The following GRM7 variants were observed in gnomAD, a reference collection of about 807,000 sequenced individuals.
The protein encoded by GRM7 is glutamate metabotropic receptor 7.
Under a neutral mutation model 84.5 loss-of-function variants are expected in GRM7, and 35 were observed. The ratio of observed to expected loss-of-function variants is 0.41; its 90% CI spans 0.32 to 0.55. GRM7 has a LOEUF of 0.55. GRM7 is among the 20% of genes least tolerant of loss of function. The pLI, the probability that GRM7 is intolerant of heterozygous loss-of-function variation, is 0.19. For synonymous variants in GRM7, 487 were observed against 455.1 expected, an observed-to-expected ratio of 1.07 and a Z score of -0.89; for missense variants, 1,003 against 1,194.6, an observed-to-expected ratio of 0.84 and a Z score of 2.36.
At chr3:6,898,358 G>A (rs1000255532) in intron 1 of GRM7, among the ~76,000 whole-genome samples, 10 of 137,258 alleles carry the variant, frequency 7.3e-5, no homozygotes, top group Non-Finnish European at 1.4e-4. Context: ...GACCAAGGAC[G>A]AAAGAGTGTC....
rs73012160 is a variant in GRM7, at chr3:7,116,034, G to C, written c.520-30418G>C. Among the ~76,000 whole-genome samples the C allele has an allele frequency of 2.7e-3, 411 of 152,196 alleles. 3 individuals are homozygous for C. Among genetic ancestry groups the C allele is most frequent in the Non-Finnish European group, 4.9e-3 (330 of 68,008 alleles). The stretch of plus-strand genomic sequence containing the variant: ...ATGCAAAGACCCTGGCAATAAAACT[G>C]CAAACTTTACAGGGAAGATGCTCTA... On this transcript the variant is annotated intron_variant, in intron 1 of 9. Coordinates refer to ENST00000357716, the MANE Select transcript of GRM7 (RefSeq NM_000844.4).
intron 1 of GRM7, among the ~76,000 whole-genome samples, chr3:6,991,049 A>G (rs1261066594): frequency 6.6e-6 from 1 of 152,094 alleles, no homozygotes; most frequent in Non-Finnish European, 1.5e-5. Context: ...AGCCTGGGTG[A>G]CAGAGCCAGA....
intron 1 of GRM7, among the ~76,000 whole-genome samples, chr3:7,089,448 G>A (rs184678437): frequency 4.0e-3 from 613 of 152,158 alleles, no homozygotes; most frequent in Middle Eastern, 0.01. Flanking sequence ...ATTTAATTGT[G>A]TTCATTCAGC....
intron 2 of GRM7, among the ~76,000 whole-genome samples, chr3:7,159,775 T>A (rs1694566620): frequency 6.6e-6 from 1 of 152,294 alleles, no homozygotes; most frequent in Non-Finnish European, 1.5e-5. Flanking sequence ...CCATGTCTAG[T>A]CTGGTACCTT....
At chr3:7,513,048 G>A (rs1700266132) in intron 7 of GRM7, among the ~76,000 whole-genome samples, 1 of 152,212 alleles carries the variant, frequency 6.6e-6, no homozygotes, top group East Asian at 1.9e-4. Context: ...GAAAATAAAT[G>A]AGCCCAGGGA....
At chr3:7,738,488 G>A (rs17047887) in intron 9 of GRM7, among the ~76,000 whole-genome samples, 3,233 of 152,072 alleles carry the variant, frequency 0.021, 105 homozygotes, top group African/African-American at 0.072. Flanking sequence ...TAACCTCATC[G>A]TGATTTTAAC....
chr3:7,386,206 A>G (rs1242476167), intron 4 of GRM7, among the ~76,000 whole-genome samples: 2 of 152,228 alleles, frequency 1.3e-5, no homozygotes, highest in Non-Finnish European at 1.5e-5. Flanking sequence ...GGATGCTTTT[A>G]AAAACTTATT....
chr3:7,109,310 C>G (rs1692763088), intron 1 of GRM7, among the ~76,000 whole-genome samples: 1 of 152,002 alleles, frequency 6.6e-6, no homozygotes, highest in Non-Finnish European at 1.5e-5. Flanking sequence ...GAGTCAGAAG[C>G]CAAAAGATTA....
At chr3:7,345,206 A>C (rs1023479880) in intron 4 of GRM7, among the ~76,000 whole-genome samples, 1 of 151,940 alleles carries the variant, frequency 6.6e-6, no homozygotes, top group South Asian at 2.1e-4. Context: ...CTGAACTCAC[A>C]TTATATGGGG....
chr3:7,277,882 T>C (rs1699129832), intron 2 of GRM7, among the ~76,000 whole-genome samples: 1 of 152,112 alleles, frequency 6.6e-6, no homozygotes, highest in Non-Finnish European at 1.5e-5. Flanking sequence ...TACCTATTTA[T>C]ATTTTGAATA....
chr3:7,170,651 TAGAG>T (rs1317125847), intron 2 of GRM7, among the ~76,000 whole-genome samples: 1 of 152,102 alleles, frequency 6.6e-6, no homozygotes, highest in Non-Finnish European at 1.5e-5. Flanking sequence ...TCCTCACACA[TAGAG>T]AGATTATTCA....
intron 2 of GRM7, among the ~76,000 whole-genome samples, chr3:7,215,285 A>AT (rs1696563108): frequency 6.6e-6 from 1 of 152,214 alleles, no homozygotes; most frequent in Admixed American, 6.5e-5. Flanking sequence ...TTCTGTTCTG[A>AT]TGCTGCCCTT....
intron 8 of GRM7, among the ~76,000 whole-genome samples, chr3:7,663,653 A>G (rs982490727): frequency 1.3e-5 from 2 of 152,210 alleles, no homozygotes; most frequent in Admixed American, 6.5e-5. Context: ...TTATTTCAAA[A>G]TTCTAATTTT....
At chr3:7,326,102 CT>C (rs1438798424) in intron 4 of GRM7, among the ~76,000 whole-genome samples, 3 of 135,562 alleles carry the variant, frequency 2.2e-5, no homozygotes, top group East Asian at 4.7e-4. Context: ...GTGAAAAGAG[CT>C]TTGAAATTAG....
chr3:7,040,850 A>G (rs77550768), intron 1 of GRM7, among the ~76,000 whole-genome samples: 2,907 of 151,982 alleles, frequency 0.019, 82 homozygotes, highest in African/African-American at 0.067. Context: ...TGGGAGGCCA[A>G]GGTCGGTGGA....
At chr3:7,195,222 C>G (rs1007616640) in intron 2 of GRM7, among the ~76,000 whole-genome samples, 4 of 152,238 alleles carry the variant, frequency 2.6e-5, no homozygotes, top group Admixed American at 2.6e-4. Context: ...CTTATAATTG[C>G]TCTCTGAATT....
At chr3:6,986,897 C>T (rs1694432995) in intron 1 of GRM7, among the ~76,000 whole-genome samples, 1 of 152,148 alleles carries the variant, frequency 6.6e-6, no homozygotes, top group African/African-American at 2.4e-5. Flanking sequence ...CAGCTATCAG[C>T]ATAGTACCTG....
At chr3:7,493,385 G>C (rs555089755) in intron 7 of GRM7, among the ~76,000 whole-genome samples, 5 of 151,400 alleles carry the variant, frequency 3.3e-5, no homozygotes, top group Admixed American at 1.3e-4. Context: ...AATGTTTCTT[G>C]GTTGATTGAT....
At chr3:7,352,147 G>T (rs1693190240) in intron 4 of GRM7, among the ~76,000 whole-genome samples, 1 of 150,096 alleles carries the variant, frequency 6.7e-6, no homozygotes, top group Admixed American at 6.7e-5. Context: ...AATATTTGGG[G>T]TTTCTGGAAT....
Sources: allele counts gnomAD v4.1 joint callset (sites outside exome capture counted in the v4.1 genomes callset), GRCh38; gene constraint gnomAD v4.1.1; transcripts MANE v1.5; gene names NCBI Gene and HGNC (gene_info 2026-07-23, HGNC 2026-07-21).